POF1B: variants seen among roughly 807,000 people sequenced by gnomAD.
The protein encoded by POF1B is protein POF1B.
Under a neutral mutation model 55.3 loss-of-function variants are expected in POF1B, and 53 were observed. That is an observed-to-expected ratio of 0.96 (90% CI 0.77 to 1.20). POF1B has a LOEUF of 1.20. Among genes scored for constraint, POF1B ranks in the 50% most tolerant of loss-of-function variants. The pLI is 0.00. For synonymous variants in POF1B, 188 were observed against 148.3 expected (o/e 1.27, Z -1.95); for missense variants, 478 against 420.5 (o/e 1.14, Z -1.20).
chrX:85,328,308 C>A (rs1334853044), intron 7 of POF1B, among the ~76,000 whole-genome samples: 3 of 108,443 alleles, frequency 2.8e-5, no homozygotes, highest in Non-Finnish European at 3.8e-5. Flanking sequence ...GGGTTCACGT[C>A]ATTCTCCTGC....
chrX:85,325,806 A>G (rs1932890579), intron 7 of POF1B, among the ~76,000 whole-genome samples: 1 of 111,527 alleles, frequency 9.0e-6, no homozygotes, highest in Non-Finnish European at 1.9e-5. Flanking sequence ...TTGTGGGCTG[A>G]TGTTCCTTCA....
chrX:85,337,009 C>T (rs771691721), intron 6 of POF1B, among the ~76,000 whole-genome samples: 16 of 111,508 alleles, frequency 1.4e-4, no homozygotes, highest in African/African-American at 4.6e-4. Flanking sequence ...TCATCCTTTG[C>T]GTATGGATAC....
At chrX:85,309,139 T>G (rs1299999105) in intron 9 of POF1B, among the ~76,000 whole-genome samples, 3 of 111,501 alleles carry the variant, frequency 2.7e-5, no homozygotes, top group African/African-American at 9.8e-5. Context: ...CTTTGTAACT[T>G]CAGCCTCTGA....
At chrX:85,285,479 G>A (rs1366421715) in intron 15 of POF1B, among the ~76,000 whole-genome samples, 4 of 110,460 alleles carry the variant, frequency 3.6e-5, no homozygotes, top group Non-Finnish European at 5.7e-5. Flanking sequence ...CCATAAAAAA[G>A]GATGAGTTCA....
chrX:85,343,462 A>G (rs1010143777), intron 6 of POF1B, among the ~76,000 whole-genome samples: 4 of 110,468 alleles, frequency 3.6e-5, no homozygotes, highest in African/African-American at 1.3e-4. Context: ...TACAGTTCCC[A>G]TCTCTGATCA....
intron 5 of POF1B, among the ~76,000 whole-genome samples, chrX:85,350,550 T>G (rs1489382783): frequency 9.0e-6 from 1 of 110,879 alleles, no homozygotes; most frequent in African/African-American, 3.3e-5. Flanking sequence ...ATATACCCAG[T>G]AATGGGATGG....
chrX:85,297,681 C>T (rs1170759259), intron 15 of POF1B, among the ~76,000 whole-genome samples: 1 of 111,102 alleles, frequency 9.0e-6, no homozygotes, highest in Non-Finnish European at 1.9e-5. Flanking sequence ...TCTGTGGGGA[C>T]CAGGGGAGAG....
At chrX:85,379,113 G>A (rs1262093450) in intron 2 of POF1B, 60 bp downstream of exon 2, 1 of 1,124,771 alleles carries the variant, frequency 8.9e-7, no homozygotes, top group African/African-American at 1.8e-5. Flanking sequence ...CAGAAAGGAA[G>A]AGAAATCAGG....
chrX:85,320,429 C>T (rs1932825597), intron 7 of POF1B, among the ~76,000 whole-genome samples: 1 of 110,327 alleles, frequency 9.1e-6, no homozygotes, highest in Non-Finnish European at 1.9e-5. Context: ...ATCTCTGGGA[C>T]ACATTGAAAA....
At chrX:85,328,858 CA>C (rs536984482) in intron 7 of POF1B, among the ~76,000 whole-genome samples, 14 of 97,646 alleles carry the variant, frequency 1.4e-4, no homozygotes, top group African/African-American at 2.3e-4. Context: ...AACAAACAAA[CA>C]AAAAAAAAAA....
intron 7 of POF1B, among the ~76,000 whole-genome samples, chrX:85,323,944 C>A (rs1477540444): frequency 8.9e-6 from 1 of 112,039 alleles, no homozygotes; most frequent in Non-Finnish European, 1.9e-5. Context: ...CAAAGAATTT[C>A]TTGATTTCTG....
chrX:85,305,583 T>C (rs1309556787), intron 13 of POF1B, among the ~76,000 whole-genome samples: 1 of 112,017 alleles, frequency 8.9e-6, no homozygotes, highest in Non-Finnish European at 1.9e-5. Flanking sequence ...TCTTTTACTT[T>C]CCTAGAAGAA....
At chrX:85,353,102 A>G (rs1359137829) in intron 4 of POF1B, among the ~76,000 whole-genome samples, 2 of 111,275 alleles carry the variant, frequency 1.8e-5, no homozygotes, top group Non-Finnish European at 3.8e-5. Context: ...GAGGAAAAAA[A>G]CTGAGTTCCA....
chrX:85,284,473 A>C (rs1931989461), intron 15 of POF1B, among the ~76,000 whole-genome samples: 1 of 111,855 alleles, frequency 8.9e-6, no homozygotes, highest in Non-Finnish European at 1.9e-5. Context: ...GACCAATGGA[A>C]CAGAACAGAG....
chrX:85,308,737 GCA>G (rs1932632334), intron 9 of POF1B, among the ~76,000 whole-genome samples: 1 of 111,188 alleles, frequency 9.0e-6, no homozygotes, highest in Admixed American at 9.6e-5. Flanking sequence ...GAGTGTAGTG[GCA>G]TGATCTCAGT....
In POF1B at chrX:85,277,789, C is replaced by A. The variant is rs778301679; in HGVS notation, c.*1632G>T. Reference sequence around the variant, plus strand: ...TATTATTTTTAAGTATTTTGGAAAACTCACACCTGTTCTCATTTTTAAACC... The same window carrying A: ...TATTATTTTTAAGTATTTTGGAAAAATCACACCTGTTCTCATTTTTAAACC... On this transcript the variant is annotated 3_prime_UTR_variant, in exon 17 of 17. Transcript: ENST00000262753. 2.3e-4 allele frequency: 25 copies of A among 110,944 alleles called. No individual in the cohort carries two copies. Among genetic ancestry groups the A allele is most frequent in the Non-Finnish European group, 4.2e-4 (22 of 52,583 alleles). 9.1% of individuals were successfully genotyped at this position (110,944 alleles called of 1,213,427 possible).
At chrX:85,333,844 G>A (rs1446244994) in intron 6 of POF1B, among the ~76,000 whole-genome samples, 2 of 106,158 alleles carry the variant, frequency 1.9e-5, no homozygotes, top group Admixed American at 1.0e-4. Context: ...CAGGTAAGTC[G>A]TTATTCACAA....
chrX:85,318,793 T>C (rs1260313859), intron 7 of POF1B, among the ~76,000 whole-genome samples: 2 of 111,659 alleles, frequency 1.8e-5, no homozygotes, highest in African/African-American at 6.5e-5. Context: ...GAGTTTTAAG[T>C]TGGGTAATTT....
rs191124773 is a variant in POF1B, at chrX:85,310,520, T to A, written c.958-2304A>T. Among the ~76,000 whole-genome samples, 407 of 111,638 alleles carry A rather than the reference T, an allele frequency of 3.6e-3. 2 individuals carry two copies. The highest frequency in any genetic ancestry group is 0.013 in the African/African-American group (387 of 30,806). ...AGGAAAGAATTAATGAACTTAAAGA[T>A]AGAATAAAATAAAGTATATAATCTG... On this transcript the variant is annotated intron_variant, in intron 9 of 16. Transcript: ENST00000262753.
Sources: allele counts gnomAD v4.1 joint callset (sites outside exome capture counted in the v4.1 genomes callset), GRCh38; gene constraint gnomAD v4.1.1; transcripts MANE v1.5; gene names NCBI Gene and HGNC (gene_info 2026-07-23, HGNC 2026-07-21).